The following PCCA variants were observed in gnomAD, a reference collection of about 807,000 sequenced individuals.
The protein encoded by PCCA is propionyl-CoA carboxylase subunit alpha, also known as propionyl-CoA carboxylase alpha chain, mitochondrial.
In PCCA, 74 loss-of-function variants were observed where a neutral mutation model predicts 101.3. That is an observed-to-expected ratio of 0.73 (90% CI 0.61 to 0.89). The LOEUF (loss-of-function observed/expected upper bound fraction) is 0.89. Among genes scored for constraint, PCCA ranks in the 40% least tolerant of loss-of-function variants. The probability of loss-of-function intolerance (pLI) is 0.00; values close to 1 mark genes in which losing one functional copy is unlikely to be tolerated. For missense variants in PCCA, 891 were observed against 907.0 expected (o/e 0.98, Z 0.23); for synonymous variants, 294 against 313.6 (o/e 0.94, Z 0.66).
chr13:100,228,336 T>G (rs2060271940), intron 7 of PCCA, among the ~76,000 whole-genome samples: 1 of 152,166 alleles, frequency 6.6e-6, no homozygotes, highest in Non-Finnish European at 1.5e-5. Flanking sequence ...TTCTTCCACT[T>G]TGGGGAGGAT....
intron 8 of PCCA, among the ~76,000 whole-genome samples, chr13:100,247,505 C>G (rs148259129): frequency 7.1e-6 from 1 of 139,962 alleles, no homozygotes; most frequent in Non-Finnish European, 1.5e-5. Flanking sequence ...TGTGAGCCAC[C>G]GTGCCCGGCC....
chr13:100,176,949 G>T (rs1027613577), intron 6 of PCCA, among the ~76,000 whole-genome samples: 2 of 152,142 alleles, frequency 1.3e-5, no homozygotes, highest in African/African-American at 4.8e-5. Flanking sequence ...TTGGATGCTT[G>T]CCAGATAAAA....
At position 100,340,261 on chromosome 13, in the gene PCCA, T is replaced by C; in HGVS notation, c.1643+2T>C. ...ACAACATTTTCAAGAAAATTCAAGGTATGGTAGATCATTTAAAACAGAATA... is the reference window on the plus strand; with the variant it reads ...ACAACATTTTCAAGAAAATTCAAGGCATGGTAGATCATTTAAAACAGAATA... On this transcript the variant is annotated splice_donor_variant, in intron 18 of 23. Transcript: ENST00000376285. LOFTEE classifies it high-confidence loss of function. 1 of 1,459,826 alleles carries C rather than the reference T, an allele frequency of 6.9e-7. No homozygotes were observed. The highest frequency in any genetic ancestry group is 9.6e-7 in the Non-Finnish European group (1 of 1,039,400). The allele number at this position is 1,459,826 out of a possible 1,614,324, so 90.4% of individuals were successfully genotyped here. A position where few individuals can be genotyped will look rare whatever the true frequency, so the allele number is the denominator to read the frequency against.
At chr13:100,140,056 C>T (rs1043870186) in intron 4 of PCCA, among the ~76,000 whole-genome samples, 7 of 152,172 alleles carry the variant, frequency 4.6e-5, no homozygotes, top group African/African-American at 9.7e-5. Context: ...TACATCCATA[C>T]ATGCCCAACC....
intron 19 of PCCA, among the ~76,000 whole-genome samples, chr13:100,400,320 G>T (rs544923668): frequency 7.9e-5 from 12 of 152,246 alleles, no homozygotes; most frequent in African/African-American, 2.2e-4. Flanking sequence ...TTCCTTTCCA[G>T]GATCTGCCTT....
At chr13:100,156,502 G>A (rs1052824845) in intron 5 of PCCA, among the ~76,000 whole-genome samples, 9 of 152,268 alleles carry the variant, frequency 5.9e-5, no homozygotes, top group African/African-American at 2.2e-4. Context: ...TACTGAAGTG[G>A]CGAAATTTAT....
chr13:100,283,268 G>T (rs541870006), intron 12 of PCCA, among the ~76,000 whole-genome samples: 1 of 152,088 alleles, frequency 6.6e-6, no homozygotes, highest in Admixed American at 6.5e-5. Context: ...AATGACAGCC[G>T]AAGAAAGGGA....
intron 11 of PCCA, among the ~76,000 whole-genome samples, chr13:100,270,374 A>G (rs539983996): frequency 2.5e-4 from 38 of 152,342 alleles, no homozygotes; most frequent in Non-Finnish European, 5.0e-4. Context: ...AAGAGTCTTC[A>G]ACACACATGT....
At chr13:100,444,043 C>T (rs1025292687) in intron 20 of PCCA, among the ~76,000 whole-genome samples, 7 of 152,106 alleles carry the variant, frequency 4.6e-5, no homozygotes, top group African/African-American at 1.4e-4. Flanking sequence ...AAGATCTGAC[C>T]TGGGTTTATA....
intron 21 of PCCA, among the ~76,000 whole-genome samples, chr13:100,488,254 C>G (rs979713770): frequency 2.6e-5 from 4 of 152,034 alleles, no homozygotes; most frequent in African/African-American, 9.7e-5. Flanking sequence ...CCACCATGCA[C>G]GGCTAATTTT....
At chr13:100,110,915 C>T (rs953936529) in intron 2 of PCCA, among the ~76,000 whole-genome samples, 2 of 152,112 alleles carry the variant, frequency 1.3e-5, no homozygotes, top group Non-Finnish European at 2.9e-5. Context: ...TCAAGTGATT[C>T]CTGCCTCAGC....
intron 8 of PCCA, among the ~76,000 whole-genome samples, chr13:100,253,905 C>T (rs1002031503): frequency 2.7e-5 from 4 of 150,536 alleles, no homozygotes; most frequent in African/African-American, 9.8e-5. Flanking sequence ...ACTTTCACCT[C>T]CTTTTACGAG....
intron 7 of PCCA, among the ~76,000 whole-genome samples, chr13:100,220,379 C>A (rs1032207671): frequency 2.6e-5 from 4 of 151,984 alleles, no homozygotes; most frequent in Non-Finnish European, 4.4e-5. Flanking sequence ...CCTGCCTCAG[C>A]CTCCCAAGTA....
Position 100,136,752 on chromosome 13 carries a change from C to A in PCCA, c.301-18227C>A, listed in dbSNP as rs1248201332. Among the ~76,000 whole-genome samples the A allele has an allele frequency of 2.6e-5, 4 of 152,096 alleles. No individual in the cohort carries two copies. In the East Asian group the frequency reaches 7.7e-4, roughly 29 times the overall value. On this transcript the variant is annotated intron_variant, in intron 4 of 23. Transcript: ENST00000376285. ...ATATCTGCATAGTTTGTAGTGATAA[C>A]CTCTTTCCTTTCTTATTTTGGATGT...
intron 6 of PCCA, among the ~76,000 whole-genome samples, chr13:100,171,948 C>T (rs1233784056): frequency 4.6e-5 from 7 of 150,756 alleles, no homozygotes; most frequent in East Asian, 2.0e-4. Flanking sequence ...AGGAGAATGG[C>T]GTGAACACAG....
rs369108588 is a variant in PCCA at position 100,244,178 on chromosome 13, T to C, written c.637+8300T>C. Among the ~76,000 whole-genome samples the C allele has an allele frequency of 8.5e-5, 13 of 152,362 alleles. No individual in the cohort carries two copies. The East Asian group carries it at 1.5e-3, about 18-fold the overall frequency. On this transcript the variant is annotated intron_variant, in intron 8 of 23. Coordinates refer to ENST00000376285, the MANE Select transcript of PCCA (RefSeq NM_000282.4). ...TTGAATAACGCCTAAGGAAAAGTTA[T>C]GTTAAAGAAAATGGCATTAAAATAA...
intron 7 of PCCA, among the ~76,000 whole-genome samples, chr13:100,215,863 C>A (rs2152489279): frequency 6.6e-6 from 1 of 152,224 alleles, no homozygotes; most frequent in South Asian, 2.1e-4. Flanking sequence ...TGGTCTTGAA[C>A]TCCTGACCTC....
At chr13:100,324,671 G>A (rs745786720) in intron 16 of PCCA, among the ~76,000 whole-genome samples, 2 of 152,056 alleles carry the variant, frequency 1.3e-5, no homozygotes, top group Non-Finnish European at 2.9e-5. Flanking sequence ...CAGTAAAGAC[G>A]CAGCATGAAA....
intron 4 of PCCA, among the ~76,000 whole-genome samples, chr13:100,119,349 T>C (rs1384653696): frequency 6.6e-6 from 1 of 152,224 alleles, no homozygotes; most frequent in Non-Finnish European, 1.5e-5. Flanking sequence ...TGGTGTGTGA[T>C]TCTATGTTTG....
Sources: gnomAD v4.1 joint callset for allele counts (sites outside exome capture counted in the v4.1 genomes callset) on GRCh38, gnomAD v4.1.1 for gene constraint, MANE v1.5 for transcripts, NCBI Gene and HGNC (gene_info 2026-07-23, HGNC 2026-07-21) for gene names.